Variants in REV1 observed in about 807,000 individuals in gnomAD.
REV1 encodes the protein REV1 DNA directed polymerase.
REV1 carries 42 observed loss-of-function variants against 137.4 expected under a neutral mutation model. The observed-to-expected ratio is 0.31, with a 90% CI of 0.24 to 0.40. REV1 has a LOEUF of 0.40. Among genes scored for constraint, REV1 ranks in the 10% least tolerant of loss-of-function variants. REV1 has a pLI of 1.00. For missense variants in REV1, 1,282 were observed against 1,490.1 expected, an observed-to-expected ratio of 0.86 and a Z score of 2.30; for synonymous variants, 524 against 519.2, an observed-to-expected ratio of 1.01 and a Z score of -0.12.
intron 17 of REV1, among the ~76,000 whole-genome samples, chr2:99,405,030 G>A (rs1676080727): frequency 6.6e-6 from 1 of 152,208 alleles, no homozygotes; most frequent in Non-Finnish European, 1.5e-5. Flanking sequence ...CCCAGGGAGG[G>A]GTGAAGGCCT....
intron 8 of REV1, among the ~76,000 whole-genome samples, chr2:99,432,876 C>T (rs1469900169): frequency 3.9e-5 from 6 of 152,158 alleles, no homozygotes; most frequent in South Asian, 4.2e-4. Flanking sequence ...AAGATTGTAA[C>T]AGAAGAAAAG....
chr2:99,401,253 T>A lies in REV1; in HGVS notation c.3744A>T (p.Leu1248Phe). 1.2e-6 allele frequency: 2 copies of A among 1,604,378 alleles called. No individual in the cohort carries two copies. The highest frequency in any genetic ancestry group is 1.7e-6 in the Non-Finnish European group (2 of 1,171,180). The change falls in exon 23 of 23, where the codon TTA (leucine) becomes TTT (phenylalanine). Residue 1248 changes from leucine (L) to phenylalanine (F), a missense_variant. Around this residue, in one of 7 missense-constraint regions of REV1, gnomAD observed 43 missense variants for 79.1 expected, o/e 0.54. Coordinates refer to ENST00000258428, the MANE Select transcript of REV1 (RefSeq NM_016316.4). ...VVLQQTYGST[L>F]KVT ...TCTCTGGTAATATTTATGTAACTTT[T>A]AATGTGCTTCCATAAGTTTGTTGTA...
Position 99,410,793 on chromosome 2 carries a change from C to T in REV1, c.2247G>A (p.Lys749=), listed in dbSNP as rs1000511480. The change falls in exon 14 of 23, where the codon AAG becomes AAA. Residue 749 remains lysine, a synonymous_variant. Coordinates refer to ENST00000258428, the MANE Select transcript of REV1 (RefSeq NM_016316.4). Reference sequence around the variant, plus strand: ...TGATTTTGAGAGTTAGACGTTTACCCTTCATGCCAGTGGCTTCTAGTCTTC... The same window carrying T: ...TGATTTTGAGAGTTAGACGTTTACCTTTCATGCCAGTGGCTTCTAGTCTTC... ...IQRRLEATGM[K]GKRLTLKIMV... The T allele has an allele frequency of 2.5e-6, 4 of 1,612,044 alleles. No homozygotes were observed. In the African/African-American group the frequency reaches 4.0e-5, roughly 16 times the overall value.
chr2:99,483,162 G>GA (rs1405236777), intron 1 of REV1, among the ~76,000 whole-genome samples: 1 of 151,364 alleles, frequency 6.6e-6, no homozygotes, highest in Non-Finnish European at 1.5e-5. Context: ...GAGTCATCAA[G>GA]AAATTGAATT....
intron 4 of REV1, among the ~76,000 whole-genome samples, chr2:99,448,130 G>A (rs1209898997): frequency 3.3e-5 from 5 of 152,112 alleles, no homozygotes; most frequent in East Asian, 1.9e-4. Flanking sequence ...GAATTTATGC[G>A]GCTAAATACA....
intron 3 of REV1, among the ~76,000 whole-genome samples, chr2:99,456,070 G>A (rs1683508558): frequency 6.6e-6 from 1 of 152,140 alleles, no homozygotes; most frequent in Admixed American, 6.6e-5. Context: ...CTCCCCCTGG[G>A]CAGCTTTCAC....
chr2:99,454,567 A>C (rs58343080), intron 3 of REV1, among the ~76,000 whole-genome samples: 14,614 of 63,814 alleles, frequency 0.23, 2,184 homozygotes, highest in Non-Finnish European at 0.25. Flanking sequence ...AAAAAAAAAA[A>C]AAAAAAAAAA....
At chr2:99,419,528 A>C (rs1045976021) in intron 11 of REV1, among the ~76,000 whole-genome samples, 3 of 152,118 alleles carry the variant, frequency 2.0e-5, no homozygotes, top group Non-Finnish European at 4.4e-5. Flanking sequence ...TGATCTTCAG[A>C]GTGGGTGTCT....
At chr2:99,485,743 C>T (rs755915219) in intron 1 of REV1, among the ~76,000 whole-genome samples, 6 of 152,230 alleles carry the variant, frequency 3.9e-5, no homozygotes, top group Admixed American at 6.5e-5. Flanking sequence ...TTGCTCTAGA[C>T]ATCCACAAAA....
At chr2:99,449,809 AT>A (rs1395979348) in intron 3 of REV1, among the ~76,000 whole-genome samples, 5 of 152,142 alleles carry the variant, frequency 3.3e-5, no homozygotes, top group Non-Finnish European at 1.5e-5. Context: ...ATATTTTTAC[AT>A]TTTTTACTAT....
chr2:99,417,713 T>C (rs116173687), intron 12 of REV1, among the ~76,000 whole-genome samples: 235 of 152,314 alleles, frequency 1.5e-3, no homozygotes, highest in African/African-American at 5.4e-3. Context: ...CTGTTGTTTA[T>C]GCACCCCAGT....
intron 1 of REV1, among the ~76,000 whole-genome samples, chr2:99,479,614 A>T (rs1686387998): frequency 6.6e-6 from 1 of 151,684 alleles, no homozygotes. Flanking sequence ...ACACAGCAAG[A>T]CCTCATCTCT....
At chr2:99,450,771 C>G (rs960518742) in intron 3 of REV1, among the ~76,000 whole-genome samples, 7 of 152,088 alleles carry the variant, frequency 4.6e-5, no homozygotes, top group African/African-American at 1.7e-4. Context: ...CAGAAAAAAT[C>G]TGAGATATTT....
rs1447746987 is a variant in REV1, at chr2:99,401,157, G to A, written c.*84C>T. 16 of 722,834 alleles carry A rather than the reference G, an allele frequency of 2.2e-5. No homozygotes were observed. The highest frequency in any genetic ancestry group is 5.3e-5 in the East Asian group (2 of 37,616). The allele number at this position is 722,834 out of a possible 1,614,324, so 44.8% of individuals were successfully genotyped here. A position where few individuals can be genotyped will look rare whatever the true frequency, so the allele number is the denominator to read the frequency against. On this transcript the variant is annotated 3_prime_UTR_variant, in exon 23 of 23. Coordinates refer to ENST00000258428, the MANE Select transcript of REV1 (RefSeq NM_016316.4). ...AGAAATTTAAAATTATAAAAACTCC[G>A]AGCATTACTATCATGCACTTTGCAA... is the stretch of plus-strand genomic sequence containing the variant.
At chr2:99,481,553 A>G (rs1686610191) in intron 1 of REV1, among the ~76,000 whole-genome samples, 1 of 152,200 alleles carries the variant, frequency 6.6e-6, no homozygotes, top group African/African-American at 2.4e-5. Context: ...TCACTTCTTT[A>G]GCCAGCATTG....
At chr2:99,403,855 T>A (rs755601057) in intron 18 of REV1, 40 bp from the exon 19 acceptor site, 1 of 1,607,088 alleles carries the variant, frequency 6.2e-7, no homozygotes, top group Non-Finnish European at 8.5e-7. Context: ...CCTGAGCTAA[T>A]TGTAGATGGT....
chr2:99,475,742 T>C (rs1241857424), intron 1 of REV1, among the ~76,000 whole-genome samples: 1 of 152,160 alleles, frequency 6.6e-6, no homozygotes, highest in East Asian at 1.9e-4. Context: ...CCCAGCACTT[T>C]GGGAGGCCGA....
chr2:99,462,765 A>C, intron 2 of REV1, 143 bp from the exon 3 acceptor site: 1 of 822,700 alleles, frequency 1.2e-6, no homozygotes, highest in Non-Finnish European at 1.9e-6. Context: ...CCTCATAAAC[A>C]TAAACCATAA....
At chr2:99,415,902 G>A (rs1483634471) in intron 12 of REV1, among the ~76,000 whole-genome samples, 1 of 152,268 alleles carries the variant, frequency 6.6e-6, no homozygotes, top group African/African-American at 2.4e-5. Flanking sequence ...TCTTCAAACT[G>A]TAATAGTCGT....
Sources: allele counts gnomAD v4.1 joint callset (sites outside exome capture counted in the v4.1 genomes callset), GRCh38; gene constraint gnomAD v4.1.1; regional missense constraint gnomAD v4.1.1; transcripts MANE v1.5; gene names NCBI Gene and HGNC (gene_info 2026-07-23, HGNC 2026-07-21).